ZNF608: variants seen among roughly 807,000 people sequenced by gnomAD.
ZNF608 encodes zinc finger protein 608.
In ZNF608, 12 loss-of-function variants were observed where a neutral mutation model predicts 109.0. That is an observed-to-expected ratio of 0.11 (90% CI 0.07 to 0.18). The LOEUF (loss-of-function observed/expected upper bound fraction) is 0.18, where lower values mean the gene tolerates loss of function less well. ZNF608 is among the 10% of genes least tolerant of loss of function. The pLI is 1.00. For synonymous variants in ZNF608, 732 were observed against 717.4 expected (o/e 1.02, Z -0.33); for missense variants, 1,707 against 1,879.3 (o/e 0.91, Z 1.70).
chr5:124,637,917 A>G lies in ZNF608; in HGVS notation c.4533-11T>C, dbSNP rs1750048112. ...CAATCTTGTTATTCTCTGCAAAAGA[A>G]AAGCAAACCTTAGCACACGGTTCTA... On this transcript the variant is annotated splice_polypyrimidine_tract_variant and intron_variant, in intron 9 of 9. Transcript: ENST00000513986. 3 of 1,611,858 alleles carry G rather than the reference A, an allele frequency of 1.9e-6. No homozygotes were observed. The highest frequency in any genetic ancestry group is 1.7e-6 in the Non-Finnish European group (2 of 1,179,040).
At chr5:124,735,991 T>C (rs1221585287) in intron 2 of ZNF608, among the ~76,000 whole-genome samples, 1 of 152,018 alleles carries the variant, frequency 6.6e-6, no homozygotes, top group Non-Finnish European at 1.5e-5. Flanking sequence ...TCCACACAAC[T>C]TCACAGAAAA....
rs774808688 is a variant in ZNF608 at position 124,643,648 on chromosome 5, A to G, written c.4159T>C (p.Tyr1387His). The change falls in exon 7 of 10, where the codon TAT becomes CAT. Residue 1387 changes from tyrosine to histidine, a missense_variant. Physicochemically the swap from Tyr to His is moderately conservative, Grantham distance 83. Coordinates refer to ENST00000513986, the MANE Select transcript of ZNF608 (RefSeq NM_020747.3). ...TCTTCTCTCCCTGACATCTTCCCATAAACAGGATAATGAAATCCTGGAGAG... is the reference window on the plus strand; with the variant it reads ...TCTTCTCTCCCTGACATCTTCCCATGAACAGGATAATGAAATCCTGGAGAG... The part of the protein sequence containing the change: ...YLSPGFHYPV[Y>H]GKMSGREETE... 1 of 1,614,198 alleles carries G rather than the reference A, an allele frequency of 6.2e-7. No individual in the cohort carries two copies. The highest frequency in any genetic ancestry group is 8.5e-7 in the Non-Finnish European group (1 of 1,180,042).
At chr5:124,729,565 C>T (rs986121161) in intron 2 of ZNF608, among the ~76,000 whole-genome samples, 3 of 152,148 alleles carry the variant, frequency 2.0e-5, no homozygotes, top group Non-Finnish European at 2.9e-5. Flanking sequence ...TGTATTGGTT[C>T]GTGCTGTTAC....
intron 2 of ZNF608, among the ~76,000 whole-genome samples, chr5:124,729,466 C>T (rs186968076): frequency 1.8e-4 from 27 of 152,096 alleles, no homozygotes; most frequent in African/African-American, 5.3e-4. Flanking sequence ...ATTCTGAGCC[C>T]GGGAGAGGCT....
At chr5:124,709,034 T>C (rs1213558357) in intron 2 of ZNF608, among the ~76,000 whole-genome samples, 2 of 151,554 alleles carry the variant, frequency 1.3e-5, no homozygotes, top group Non-Finnish European at 2.9e-5. Context: ...TAGCTGGGCG[T>C]GGTAGCGGCT....
intron 3 of ZNF608, among the ~76,000 whole-genome samples, chr5:124,686,094 G>A (rs918848187): frequency 6.6e-6 from 1 of 152,096 alleles, no homozygotes; most frequent in Non-Finnish European, 1.5e-5. Context: ...TTTCCTAGAG[G>A]GTGTATACTT....
intron 2 of ZNF608, among the ~76,000 whole-genome samples, chr5:124,715,858 T>C (rs546091461): frequency 2.0e-5 from 3 of 152,222 alleles, no homozygotes; most frequent in African/African-American, 7.2e-5. Flanking sequence ...ATTACTCTAA[T>C]ATAGGCCGGG....
At chr5:124,655,828 G>A (rs1449368930) in intron 3 of ZNF608, among the ~76,000 whole-genome samples, 6 of 152,160 alleles carry the variant, frequency 3.9e-5, no homozygotes, top group Non-Finnish European at 8.8e-5. Flanking sequence ...CACAAGCTTC[G>A]CTGTTCCAGC....
chr5:124,738,771 A>C, intron 2 of ZNF608, among the ~76,000 whole-genome samples: 1 of 152,200 alleles, frequency 6.6e-6, no homozygotes, highest in East Asian at 1.9e-4. Context: ...TTTTCACTTT[A>C]TTAAAGTAGA....
chr5:124,639,611 G>T (rs2149779486), intron 8 of ZNF608, among the ~76,000 whole-genome samples: 1 of 152,264 alleles, frequency 6.6e-6, no homozygotes, highest in African/African-American at 2.4e-5. Context: ...CATAATAATT[G>T]TTATCACTTT....
At chr5:124,665,335 T>A (rs772399677) in intron 3 of ZNF608, among the ~76,000 whole-genome samples, 3 of 152,242 alleles carry the variant, frequency 2.0e-5, no homozygotes, top group Non-Finnish European at 4.4e-5. Context: ...AAATACTTAC[T>A]GGCACACCAA....
chr5:124,669,696 A>G (rs781085797), intron 3 of ZNF608, among the ~76,000 whole-genome samples: 34 of 151,152 alleles, frequency 2.2e-4, no homozygotes, highest in Non-Finnish European at 4.7e-4. Flanking sequence ...CTCCTGGAGG[A>G]TGGTATAGAT....
chr5:124,748,520 C>T, upstream of ZNF608: 1 of 985,266 alleles, frequency 1.0e-6, no homozygotes, highest in Non-Finnish European at 1.2e-6. Context: ...ACACACCACG[C>T]AACCGTACTT....
Position 124,728,406 on chromosome 5 carries a change from T to A in ZNF608, c.906+15678A>T, listed in dbSNP as rs540409051. On this transcript the variant is annotated intron_variant, in intron 2 of 9. Transcript: ENST00000513986. ...AGCAAAGATCACCTCTGCTTTGGGG[T>A]GGCTGACATTTTGTTTATCTAGCTC... Among the ~76,000 whole-genome samples the A allele has an allele frequency of 7.9e-5, 12 of 152,292 alleles. No individual in the cohort carries two copies. In the South Asian group the frequency reaches 2.5e-3, roughly 32 times the overall value.
At position 124,637,910 on chromosome 5, in the gene ZNF608, C is replaced by G. The variant is rs567071878; in HGVS notation, c.4533-4G>C. 5.6e-6 allele frequency: 9 copies of G among 1,611,684 alleles called. No individual in the cohort carries two copies. In the East Asian group the frequency reaches 1.6e-4, roughly 28 times the overall value. ...ACATGTCCAATCTTGTTATTCTCTG[C>G]AAAAGAAAAGCAAACCTTAGCACAC... On this transcript the variant is annotated splice_region_variant and splice_polypyrimidine_tract_variant and intron_variant, in intron 9 of 9. Coordinates refer to ENST00000513986, the MANE Select transcript of ZNF608 (RefSeq NM_020747.3).
At position 124,644,326 on chromosome 5, in the gene ZNF608, ATGCAAG is replaced by A. The variant is rs1204697085; in HGVS notation, c.4035_4040del (p.Leu1346_His1347del). 28 of 1,614,208 alleles carry A rather than the reference ATGCAAG, an allele frequency of 1.7e-5. No homozygotes were observed. The highest frequency in any genetic ancestry group is 2.3e-5 in the Non-Finnish European group (27 of 1,180,034). On this transcript the variant is annotated inframe_deletion, in exon 6 of 10. Coordinates refer to ENST00000513986, the MANE Select transcript of ZNF608 (RefSeq NM_020747.3). ...CGTACATCTGTGGGTAAGGATAAGC[ATGCAAG>A]TACTGTATGTATGACTGATGCTGAC...
chr5:124,724,437 C>T (rs1419721304), intron 2 of ZNF608, among the ~76,000 whole-genome samples: 1 of 144,910 alleles, frequency 6.9e-6, no homozygotes, highest in African/African-American at 2.6e-5. Context: ...TTTCTCAGGG[C>T]TCTGGACCAG....
intron 3 of ZNF608, among the ~76,000 whole-genome samples, chr5:124,667,478 A>G (rs1385515919): frequency 6.6e-6 from 1 of 152,174 alleles, no homozygotes; most frequent in Admixed American, 6.5e-5. Context: ...CTGGAAGAAA[A>G]CAAGTGGCAA....
At chr5:124,684,320 T>G (rs546298478) in intron 3 of ZNF608, among the ~76,000 whole-genome samples, 1 of 152,208 alleles carries the variant, frequency 6.6e-6, no homozygotes, top group Non-Finnish European at 1.5e-5. Context: ...GAGATTATTA[T>G]GTACTCCAAC....
Sources: gnomAD v4.1 joint callset for allele counts (sites outside exome capture counted in the v4.1 genomes callset) on GRCh38, gnomAD v4.1.1 for gene constraint, MANE v1.5 for transcripts, NCBI Gene and HGNC (gene_info 2026-07-23, HGNC 2026-07-21) for gene names.